The following PTPRT variants were observed in gnomAD, a reference collection of about 807,000 sequenced individuals.
PTPRT encodes the protein protein tyrosine phosphatase receptor type T.
Under a neutral mutation model 176.8 loss-of-function variants are expected in PTPRT, and 56 were observed. The ratio of observed to expected loss-of-function variants is 0.32; its 90% CI spans 0.26 to 0.40. The LOEUF (loss-of-function observed/expected upper bound fraction) is 0.40, where lower values mean the gene tolerates loss of function less well. PTPRT is among the 10% of genes least tolerant of loss of function. PTPRT has a pLI of 1.00. For synonymous variants in PTPRT, 783 were observed against 739.0 expected (o/e 1.06, Z -0.96); for missense variants, 1,540 against 1,908.2 (o/e 0.81, Z 3.60).
rs1163290510 is a variant in PTPRT at position 43,119,537 on chromosome 20, T to C, written c.88+70109A>G. Among the ~76,000 whole-genome samples, 3 of 152,198 alleles carry C rather than the reference T, an allele frequency of 2.0e-5. No homozygotes were observed. In the East Asian group the frequency reaches 5.8e-4, roughly 29 times the overall value. ...TCCTTCACATGCATCATGACCCAGATTATACTGGTGTTTAGAAGGGTGAAG... is the reference window on the plus strand; with the variant it reads ...TCCTTCACATGCATCATGACCCAGACTATACTGGTGTTTAGAAGGGTGAAG... On this transcript the variant is annotated intron_variant, in intron 1 of 30. Transcript: ENST00000373187.
chr20:42,356,731 G>A (rs1338722224), intron 9 of PTPRT, among the ~76,000 whole-genome samples: 4 of 152,190 alleles, frequency 2.6e-5, no homozygotes, highest in South Asian at 4.1e-4. Flanking sequence ...CAATCATGTC[G>A]TAAGAGCAAT....
intron 1 of PTPRT, among the ~76,000 whole-genome samples, chr20:42,997,291 T>C (rs886534180): frequency 4.6e-5 from 7 of 152,128 alleles, no homozygotes; most frequent in South Asian, 2.1e-4. Context: ...AGGATGGACA[T>C]AGCAGAAGTA....
chr20:42,270,341 A>G (rs2056911203), intron 13 of PTPRT: 1 of 1,478,630 alleles, frequency 6.8e-7, no homozygotes, highest in African/African-American at 1.4e-5. Flanking sequence ...GGCCTGGAGG[A>G]CCCACTGAGT....
intron 1 of PTPRT, among the ~76,000 whole-genome samples, chr20:43,137,519 A>C (rs1305333254): frequency 6.6e-6 from 1 of 152,188 alleles, no homozygotes; most frequent in African/African-American, 2.4e-5. Flanking sequence ...GAAGGGTCAA[A>C]AGAACAGGAA....
chr20:42,240,900 T>A (rs571673823), intron 14 of PTPRT, among the ~76,000 whole-genome samples: 8 of 152,250 alleles, frequency 5.3e-5, no homozygotes, highest in Non-Finnish European at 1.2e-4. Flanking sequence ...ATAAAGCAGA[T>A]GATAATAGCT....
chr20:42,595,432 C>CG (rs1264320101), intron 7 of PTPRT, among the ~76,000 whole-genome samples: 1 of 152,006 alleles, frequency 6.6e-6, no homozygotes, highest in Non-Finnish European at 1.5e-5. Flanking sequence ...GGTCCAGATA[C>CG]GGTCAAATGT....
intron 7 of PTPRT, among the ~76,000 whole-genome samples, chr20:42,579,817 G>A (rs1183516942): frequency 6.6e-6 from 1 of 152,156 alleles, no homozygotes; most frequent in African/African-American, 2.4e-5. Flanking sequence ...TTTGTCAGAT[G>A]AGTAGATTAC....
At chr20:42,850,201 A>G (rs1711513836) in intron 2 of PTPRT, among the ~76,000 whole-genome samples, 1 of 152,148 alleles carries the variant, frequency 6.6e-6, no homozygotes, top group African/African-American at 2.4e-5. Flanking sequence ...TGAATTTGAA[A>G]CCTAACCCAA....
At chr20:42,800,962 C>A (rs1231193589) in intron 2 of PTPRT, among the ~76,000 whole-genome samples, 1 of 152,138 alleles carries the variant, frequency 6.6e-6, no homozygotes, top group Non-Finnish European at 1.5e-5. Flanking sequence ...TCCTCACATA[C>A]CCAGTGAGTG....
At chr20:42,070,308 A>G (rs2146037202), downstream of PTPRT, among the ~76,000 whole-genome samples, 1 of 151,788 alleles carries the variant, frequency 6.6e-6, no homozygotes, top group South Asian at 2.1e-4. Context: ...AACCAGAGCT[A>G]CCAATCAAGG....
intron 1 of PTPRT, among the ~76,000 whole-genome samples, chr20:43,060,453 C>T (rs935219681): frequency 2.0e-5 from 3 of 152,122 alleles, no homozygotes; most frequent in Non-Finnish European, 2.9e-5. Context: ...AAAGGCCCCA[C>T]CTCCAAGTAA....
intron 18 of PTPRT, among the ~76,000 whole-genome samples, chr20:42,138,614 A>G (rs1988484621): frequency 6.6e-6 from 1 of 152,138 alleles, no homozygotes; most frequent in African/African-American, 2.4e-5. Context: ...AGCACCTCTA[A>G]AACTTTACAT....
Position 42,594,265 on chromosome 20 carries a change from T to C in PTPRT, c.1153+83601A>G, listed in dbSNP as rs142482274. On this transcript the variant is annotated intron_variant, in intron 7 of 30. Coordinates refer to ENST00000373187, the MANE Select transcript of PTPRT (RefSeq NM_007050.6). ...CCTCCATGCAAATCTCATTTGCCGC[T>C]GTCAATCCAGATCCTGTCCCACCAC... Among the ~76,000 whole-genome samples, 289 of 152,226 alleles carry C rather than the reference T, an allele frequency of 1.9e-3. 3 individuals are homozygous for C. The highest frequency in any genetic ancestry group is 6.7e-3 in the African/African-American group (278 of 41,544).
chr20:42,839,564 G>C (rs2078242109), intron 2 of PTPRT, among the ~76,000 whole-genome samples: 1 of 152,236 alleles, frequency 6.6e-6, no homozygotes, highest in Non-Finnish European at 1.5e-5. Context: ...AGCACTCACT[G>C]TGTGCCAGAT....
At chr20:42,051,637 T>A in the PTPRT span, among the ~76,000 whole-genome samples, 1 of 152,148 alleles carries the variant, frequency 6.6e-6, no homozygotes, top group Non-Finnish European at 1.5e-5. Context: ...TAAAACTACT[T>A]CTAATTTTGG....
At chr20:42,508,950 ATATT>A (rs2071902256) in intron 7 of PTPRT, among the ~76,000 whole-genome samples, 1 of 141,710 alleles carries the variant, frequency 7.1e-6, no homozygotes, top group Admixed American at 7.4e-5. Context: ...AATATAATTT[ATATT>A]TAATTTATAG....
At chr20:42,825,296 G>A (rs1021444138) in intron 2 of PTPRT, among the ~76,000 whole-genome samples, 2 of 152,026 alleles carry the variant, frequency 1.3e-5, no homozygotes, top group Admixed American at 6.6e-5. Context: ...AAAATCTCAC[G>A]ACAGTATTAC....
At chr20:42,945,820 G>T (rs762729476) in intron 1 of PTPRT, among the ~76,000 whole-genome samples, 2 of 151,918 alleles carry the variant, frequency 1.3e-5, no homozygotes, top group African/African-American at 2.4e-5. Context: ...CTATCTAGTT[G>T]CAAGACCCTT....
intron 16 of PTPRT, among the ~76,000 whole-genome samples, chr20:42,187,229 G>A (rs1990817107): frequency 1.3e-5 from 2 of 152,076 alleles, no homozygotes; most frequent in African/African-American, 4.8e-5. Flanking sequence ...GAGTAGAAAT[G>A]CCATTTCTTA....
Sources: gnomAD v4.1 joint callset for allele counts (sites outside exome capture counted in the v4.1 genomes callset) on GRCh38, gnomAD v4.1.1 for gene constraint, MANE v1.5 for transcripts, NCBI Gene and HGNC (gene_info 2026-07-23, HGNC 2026-07-21) for gene names.